Variants in PIP4K2C observed in about 807,000 individuals in gnomAD.
PIP4K2C encodes the protein phosphatidylinositol 5-phosphate 4-kinase type-2 gamma.
PIP4K2C carries 21 observed loss-of-function variants against 45.0 expected under a neutral mutation model. The ratio of observed to expected loss-of-function variants is 0.47; its 90% CI spans 0.33 to 0.67. The LOEUF (loss-of-function observed/expected upper bound fraction) is 0.67. Among genes scored for constraint, PIP4K2C ranks in the 30% least tolerant of loss-of-function variants. The probability of loss-of-function intolerance (pLI) is 0.02; values close to 1 mark genes in which losing one functional copy is unlikely to be tolerated. For missense variants in PIP4K2C, 456 were observed against 542.8 expected (o/e 0.84, Z 1.59); for synonymous variants, 201 against 204.8 (o/e 0.98, Z 0.16).
rs1883380087 is a variant in PIP4K2C, at chr12:57,600,452, C to A, written c.813+15C>A. 3.9e-6 allele frequency: 6 copies of A among 1,549,018 alleles called. No homozygotes were observed. The East Asian group carries it at 1.3e-4, about 35-fold the overall frequency. On this transcript the variant is annotated intron_variant, in intron 7 of 9. Coordinates refer to ENST00000354947, the MANE Select transcript of PIP4K2C (RefSeq NM_024779.5). ...GAGATGTGGAGGTGATGATTGGGTG[C>A]TCTGGGAAATGGCTTTCCTTTTTTT...
chr12:57,600,131 G>C (rs1000929405), intron 6 of PIP4K2C, among the ~76,000 whole-genome samples, 193 bp from the exon 7 acceptor site: 3 of 152,116 alleles, frequency 2.0e-5, no homozygotes, highest in Non-Finnish European at 2.9e-5. Flanking sequence ...AGAGTAGTGG[G>C]ATGTGATTTG....
rs115559625 is a variant in PIP4K2C, at chr12:57,592,077, A to G, written c.174+614A>G. Among the ~76,000 whole-genome samples the G allele has an allele frequency of 7.7e-3, 1,164 of 152,142 alleles. 21 individuals carry two copies. The highest frequency in any genetic ancestry group is 0.027 in the African/African-American group (1,119 of 41,488). On this transcript the variant is annotated intron_variant, in intron 1 of 9. Coordinates refer to ENST00000354947, the MANE Select transcript of PIP4K2C (RefSeq NM_024779.5). ...TTGCACACTCTCAGGACTTATGTAT[A>G]TATGCCTTTGGTCTTAACTGCATCC...
Position 57,594,020 on chromosome 12 carries a change from A to G in PIP4K2C, c.175-5A>G. Reference sequence around the variant, plus strand: ...GGCTTCCCTATTCATGGTTTGGCTTATCAGATCAATGAGCTCAGCCAGGTG... The same window carrying G: ...GGCTTCCCTATTCATGGTTTGGCTTGTCAGATCAATGAGCTCAGCCAGGTG... On this transcript the variant is annotated splice_polypyrimidine_tract_variant and splice_region_variant and intron_variant, in intron 1 of 9. Coordinates refer to ENST00000354947, the MANE Select transcript of PIP4K2C (RefSeq NM_024779.5). The G allele has an allele frequency of 6.2e-7, 1 of 1,613,172 alleles. No homozygotes were observed.
At chr12:57,593,225 G>A (rs1168773755) in intron 1 of PIP4K2C, among the ~76,000 whole-genome samples, 1 of 152,152 alleles carries the variant, frequency 6.6e-6, no homozygotes, top group East Asian at 1.9e-4. Context: ...AAAGGCAGGT[G>A]AAAGGTACTG....
At chr12:57,598,799 A>C (rs1437383950) in intron 4 of PIP4K2C, among the ~76,000 whole-genome samples, 1 of 152,200 alleles carries the variant, frequency 6.6e-6, no homozygotes, top group African/African-American at 2.4e-5. Context: ...AACCTTCCTC[A>C]TCTCAAAGAA....
At position 57,601,628 on chromosome 12, in the gene PIP4K2C, A is replaced by G. The variant is rs1883445676; in HGVS notation, c.*22A>G. ...CTAAGAGACTGCCTGGTTCTCTCTG[A>G]TGTTCAAGGTGGTGGGGTTCTGAGA... On this transcript the variant is annotated 3_prime_UTR_variant, in exon 10 of 10. Transcript: ENST00000354947. 1.3e-6 allele frequency: 2 copies of G among 1,574,830 alleles called. No homozygotes were observed. The highest frequency in any genetic ancestry group is 1.7e-6 in the Non-Finnish European group (2 of 1,144,268).
chr12:57,591,523 C>A, intron 1 of PIP4K2C, 60 bp downstream of exon 1: 1 of 1,487,576 alleles, frequency 6.7e-7, no homozygotes, highest in South Asian at 1.3e-5. Flanking sequence ...CGAGGCGTCC[C>A]TGTTTCCAGG....
At position 57,601,896 on chromosome 12, in the gene PIP4K2C, G is replaced by T. The variant is rs1043551014; in HGVS notation, c.*290G>T. The T allele has an allele frequency of 6.9e-6, 3 of 431,966 alleles. No individual in the cohort carries two copies. The highest frequency in any genetic ancestry group is 6.0e-5 in the African/African-American group (3 of 50,198). The allele number at this position is 431,966 out of a possible 1,614,324, so 26.8% of individuals were successfully genotyped here. On this transcript the variant is annotated 3_prime_UTR_variant, in exon 10 of 10. Transcript: ENST00000354947. ...CTCTCTCCCAAGTGCCTTGATCTTT[G>T]TAATATCTCCTGTTGTTTCTATGAT... is the stretch of plus-strand genomic sequence containing the variant.
intron 6 of PIP4K2C, among the ~76,000 whole-genome samples, chr12:57,599,695 T>G (rs1319185767): frequency 6.6e-6 from 1 of 152,198 alleles, no homozygotes; most frequent in Non-Finnish European, 1.5e-5. Flanking sequence ...GTTGCCAGAC[T>G]TGAAGAGCAA....
At position 57,600,844 on chromosome 12, in the gene PIP4K2C, C is replaced by G; in HGVS notation, c.847C>G (p.Leu283Val). The change falls in exon 8 of 10, where the codon CTT becomes GTT. Residue 283 changes from leucine to valine, a missense_variant. Leu to Val is a conservative substitution (Grantham distance 32). This residue lies in a region of PIP4K2C where 421 missense variants were observed against 473.1 expected (regional missense o/e 0.89). Transcript: ENST00000354947. ...GCAGCTGAAGATCATGGACTACAGC[C>G]TTCTGCTAGGCATCCACGACATCAT... is the stretch of plus-strand genomic sequence containing the variant. ...LVQLKIMDYSLLLGIHDIIRG... is the reference protein window; with the variant it reads ...LVQLKIMDYSVLLGIHDIIRG... 6.2e-7 allele frequency: 1 copy of G among 1,614,146 alleles called. No homozygotes were observed. The highest frequency in any genetic ancestry group is 1.3e-5 in the African/African-American group (1 of 75,042).
intron 1 of PIP4K2C, 72 bp downstream of exon 1, chr12:57,591,535 T>G: frequency 6.8e-7 from 1 of 1,479,678 alleles, no homozygotes; most frequent in African/African-American, 1.4e-5. Context: ...GTTTCCAGGC[T>G]CCAGCCTCCG....
Position 57,591,197 on chromosome 12 carries a change from C to A in PIP4K2C, c.-93C>A. ...GCGTCCGCTGTCCGGCCTCCGGTCA[C>A]GTGACAGCAGCGCAGGTGAGCGCCG... is the stretch of plus-strand genomic sequence containing the variant. On this transcript the variant is annotated 5_prime_UTR_variant, in exon 1 of 10. Transcript: ENST00000354947. 1 of 1,357,154 alleles carries A rather than the reference C, an allele frequency of 7.4e-7. No homozygotes were observed. The highest frequency in any genetic ancestry group is 1.4e-5 in the South Asian group (1 of 73,014). 84.1% of individuals were successfully genotyped at this position (1,357,154 alleles called of 1,614,324 possible).
Position 57,601,249 on chromosome 12 carries a change from C to T in PIP4K2C, c.1086C>T (p.Ala362=). The stretch of plus-strand genomic sequence containing the variant: ...AATTGTTGGTCTCTCTCCCAGGAGC[C>T]CCCCAGAAGGAGGTCTACTTCATGG... The part of the protein sequence containing the change: ...DVYAIRSAEG[A]PQKEVYFMGL... The change falls in exon 9 of 10, where the codon GCC becomes GCT. Residue 362 remains alanine (A), a synonymous_variant. Transcript: ENST00000354947. The T allele has an allele frequency of 6.2e-7, 1 of 1,611,368 alleles. No homozygotes were observed. The highest frequency in any genetic ancestry group is 8.5e-7 in the Non-Finnish European group (1 of 1,178,238).
At chr12:57,595,335 CT>C in intron 3 of PIP4K2C, 113 bp downstream of exon 3, 1 of 753,064 alleles carries the variant, frequency 1.3e-6, no homozygotes, top group Non-Finnish European at 2.3e-6. Context: ...AATTCTTTAC[CT>C]TTTTGTGATT....
At chr12:57,599,252 T>G in intron 5 of PIP4K2C, 41 bp downstream of exon 5, 1 of 1,611,148 alleles carries the variant, frequency 6.2e-7, no homozygotes, top group Non-Finnish European at 8.5e-7. Flanking sequence ...AGGCTCCTGA[T>G]AGCCTGAGAA....
intron 7 of PIP4K2C, 42 bp from the exon 8 acceptor site, chr12:57,600,769 G>A (rs1228189863): frequency 1.2e-6 from 2 of 1,610,950 alleles, no homozygotes; most frequent in Non-Finnish European, 1.7e-6. Flanking sequence ...ACCTAGCAGT[G>A]AAGAGTGAGA....
chr12:57,599,053 C>G lies in PIP4K2C; in HGVS notation c.514-12C>G, dbSNP rs774138240. 10 of 1,612,684 alleles carry G rather than the reference C, an allele frequency of 6.2e-6. No individual in the cohort carries two copies. In the East Asian group the frequency reaches 1.8e-4, roughly 29 times the overall value. On this transcript the variant is annotated splice_polypyrimidine_tract_variant and intron_variant, in intron 4 of 9. Coordinates refer to ENST00000354947, the MANE Select transcript of PIP4K2C (RefSeq NM_024779.5). ...CAGCCTCTCCCCATTCCTTCCCCCT[C>G]TTTCACTGTAGTACATTGTGAAGTG...
chr12:57,595,312 T>C, intron 3 of PIP4K2C, 90 bp downstream of exon 3: 1 of 839,324 alleles, frequency 1.2e-6, no homozygotes, highest in South Asian at 1.4e-5. Flanking sequence ...GAAATGAGAG[T>C]CTTGGCAAAT....
At chr12:57,600,560 A>G (rs1025716780) in intron 7 of PIP4K2C, 123 bp downstream of exon 7, 113 of 807,270 alleles carry the variant, frequency 1.4e-4, no homozygotes, top group Non-Finnish European at 1.5e-4. Context: ...TCCTCTGCCT[A>G]TATGGGGGTT....
Sources: allele counts gnomAD v4.1 joint callset (sites outside exome capture counted in the v4.1 genomes callset), GRCh38; gene constraint gnomAD v4.1.1; regional missense constraint gnomAD v4.1.1; transcripts MANE v1.5; gene names NCBI Gene and HGNC (gene_info 2026-07-23, HGNC 2026-07-21).